ARHGAP24: variants seen among roughly 807,000 people sequenced by gnomAD.
The protein encoded by ARHGAP24 is rho GTPase-activating protein 24.
A neutral mutation model predicts 76.4 loss-of-function variants in ARHGAP24; 50 were observed. The observed-to-expected ratio is 0.65, with a 90% CI of 0.52 to 0.83. ARHGAP24 has a LOEUF of 0.83. Among genes scored for constraint, ARHGAP24 ranks in the 40% least tolerant of loss-of-function variants. The pLI is 0.00. For synonymous variants in ARHGAP24, 345 were observed against 323.3 expected, an observed-to-expected ratio of 1.07 and a Z score of -0.72; for missense variants, 930 against 914.2, an observed-to-expected ratio of 1.02 and a Z score of -0.22.
intron 2 of ARHGAP24, among the ~76,000 whole-genome samples, chr4:85,626,212 T>C (rs1578089305): frequency 6.6e-6 from 1 of 152,320 alleles, no homozygotes; most frequent in East Asian, 1.9e-4. Flanking sequence ...CTGTTACTGG[T>C]TTTTCCTTTC....
intron 3 of ARHGAP24, among the ~76,000 whole-genome samples, chr4:85,902,107 A>T (rs941726785): frequency 6.6e-6 from 1 of 152,194 alleles, no homozygotes; most frequent in African/African-American, 2.4e-5. Flanking sequence ...GAGTTTGCTG[A>T]GAATGATGGC....
chr4:85,564,588 G>A (rs1196354984), intron 1 of ARHGAP24, among the ~76,000 whole-genome samples: 1 of 151,646 alleles, frequency 6.6e-6, no homozygotes, highest in African/African-American at 2.4e-5. Context: ...TAGAGCAGTG[G>A]TCCGCAACCT....
At chr4:85,607,475 A>C (rs1720236011) in intron 2 of ARHGAP24, among the ~76,000 whole-genome samples, 2 of 152,136 alleles carry the variant, frequency 1.3e-5, no homozygotes, top group Admixed American at 1.3e-4. Context: ...TCAGGTCACC[A>C]GTTGTCACTA....
intron 1 of ARHGAP24, among the ~76,000 whole-genome samples, chr4:85,495,664 A>G (rs527748267): frequency 3.6e-4 from 55 of 152,094 alleles, no homozygotes; most frequent in Admixed American, 1.8e-3. Flanking sequence ...GAAAAATTTT[A>G]CTATTATTAA....
intron 2 of ARHGAP24, among the ~76,000 whole-genome samples, chr4:85,615,765 A>G (rs933666285): frequency 3.4e-4 from 52 of 152,342 alleles, no homozygotes; most frequent in African/African-American, 1.2e-3. Flanking sequence ...CCTTCCCACA[A>G]GGGATAAGTG....
At chr4:85,955,852 T>C (rs1268910710) in intron 5 of ARHGAP24, among the ~76,000 whole-genome samples, 3 of 152,076 alleles carry the variant, frequency 2.0e-5, no homozygotes, top group Non-Finnish European at 2.9e-5. Flanking sequence ...TTTTCTGGGG[T>C]ATAGAGTTGA....
At chr4:85,552,437 A>C (rs2110129863) in intron 1 of ARHGAP24, among the ~76,000 whole-genome samples, 1 of 152,210 alleles carries the variant, frequency 6.6e-6, no homozygotes, top group East Asian at 1.9e-4. Context: ...TTTTATGTCC[A>C]ATTGTGTGGT....
At chr4:85,592,466 C>T (rs911527712) in intron 2 of ARHGAP24, among the ~76,000 whole-genome samples, 2 of 152,106 alleles carry the variant, frequency 1.3e-5, no homozygotes, top group African/African-American at 4.8e-5. Flanking sequence ...AACATTTATC[C>T]TGTCTTTGTG....
intron 3 of ARHGAP24, among the ~76,000 whole-genome samples, chr4:85,728,795 A>G (rs1300594067): frequency 6.6e-6 from 1 of 152,310 alleles, no homozygotes; most frequent in African/African-American, 2.4e-5. Context: ...TTGGGATAAT[A>G]ATGTAACAAC....
intron 3 of ARHGAP24, among the ~76,000 whole-genome samples, chr4:85,769,455 T>G (rs1383891080): frequency 6.6e-6 from 1 of 152,214 alleles, no homozygotes; most frequent in African/African-American, 2.4e-5. Flanking sequence ...TCAACAAGTT[T>G]AGTAAATATG....
At chr4:85,576,600 A>C (rs1727386948) in intron 2 of ARHGAP24, among the ~76,000 whole-genome samples, 1 of 152,120 alleles carries the variant, frequency 6.6e-6, no homozygotes, top group South Asian at 2.1e-4. Flanking sequence ...ATCATCCTCA[A>C]ATCTAAAACT....
intron 5 of ARHGAP24, among the ~76,000 whole-genome samples, chr4:85,970,611 C>T (rs920429582): frequency 6.6e-5 from 10 of 152,214 alleles, no homozygotes; most frequent in African/African-American, 2.4e-4. Flanking sequence ...TGTCTCAGCT[C>T]ATATAATTTC....
At chr4:85,477,891 A>G (rs1387897427) in intron 1 of ARHGAP24, among the ~76,000 whole-genome samples, 1 of 152,208 alleles carries the variant, frequency 6.6e-6, no homozygotes, top group Non-Finnish European at 1.5e-5. Context: ...GCACCGTCTT[A>G]GTCGCTTGTA....
chr4:85,515,392 G>A (rs1225029728), intron 1 of ARHGAP24, among the ~76,000 whole-genome samples: 2 of 149,906 alleles, frequency 1.3e-5, no homozygotes, highest in African/African-American at 4.9e-5. Flanking sequence ...TTGGCATGGG[G>A]GGAGGTTTGG....
chr4:85,616,554 TTGTG>T (rs201133798), intron 2 of ARHGAP24, among the ~76,000 whole-genome samples: 1 of 151,972 alleles, frequency 6.6e-6, no homozygotes, highest in Non-Finnish European at 1.5e-5. Flanking sequence ...TTATTTGTAT[TTGTG>T]TGTGTGTGTA....
chr4:85,951,620 G>A (rs1440270520), intron 5 of ARHGAP24, among the ~76,000 whole-genome samples: 1 of 152,116 alleles, frequency 6.6e-6, no homozygotes, highest in African/African-American at 2.4e-5. Context: ...AATACAGACT[G>A]TGCATAATGC....
intron 9 of ARHGAP24, among the ~76,000 whole-genome samples, chr4:85,997,682 C>T (rs532739865): frequency 1.3e-5 from 2 of 151,566 alleles, no homozygotes; most frequent in South Asian, 4.2e-4. Flanking sequence ...TTGACAGAGT[C>T]TCACTCTGTT....
chr4:85,538,684 GAGTA>G (rs1725567242), intron 1 of ARHGAP24, among the ~76,000 whole-genome samples: 1 of 152,136 alleles, frequency 6.6e-6, no homozygotes, highest in Non-Finnish European at 1.5e-5. Context: ...TACCAAAGAA[GAGTA>G]AGTATTTGAT....
Position 85,845,588 on chromosome 4 carries a change from G to T in ARHGAP24, c.269-78060G>T, listed in dbSNP as rs142684522. Among the ~76,000 whole-genome samples the T allele has an allele frequency of 2.5e-3, 375 of 152,082 alleles. 2 individuals are homozygous for T. Among genetic ancestry groups the T allele is most frequent in the African/African-American group, 8.7e-3 (360 of 41,482 alleles). ...TTTTTCCCTGCCTTTTATATTCCCT[G>T]TTCTTTCCCTTTTTGCTTACGCACA... On this transcript the variant is annotated intron_variant, in intron 3 of 9. Transcript: ENST00000395184.
Sources: allele counts gnomAD v4.1 joint callset (sites outside exome capture counted in the v4.1 genomes callset), GRCh38; gene constraint gnomAD v4.1.1; transcripts MANE v1.5; gene names NCBI Gene and HGNC (gene_info 2026-07-23, HGNC 2026-07-21).